The following SEMA6D variants were observed in gnomAD, a reference collection of about 807,000 sequenced individuals.
The protein encoded by SEMA6D is semaphorin 6D, also known as semaphorin-6D.
In SEMA6D, 35 loss-of-function variants were observed where a neutral mutation model predicts 106.6. That is an observed-to-expected ratio of 0.33 (90% CI 0.25 to 0.44). The LOEUF (loss-of-function observed/expected upper bound fraction) is 0.44, where lower values mean the gene tolerates loss of function less well. Ranked by LOEUF, SEMA6D falls within the 20% of genes least tolerant of loss-of-function variation. The pLI, the probability that SEMA6D is intolerant of heterozygous loss-of-function variation, is 1.00. For missense variants in SEMA6D, 1,185 were observed against 1,345.9 expected, an observed-to-expected ratio of 0.88 and a Z score of 1.87; for synonymous variants, 499 against 487.7, an observed-to-expected ratio of 1.02 and a Z score of -0.31.
chr15:47,694,908 G>A (rs2078667154), intron 4 of SEMA6D, among the ~76,000 whole-genome samples: 1 of 152,142 alleles, frequency 6.6e-6, no homozygotes, highest in African/African-American at 2.4e-5. Context: ...AGTTGGTAGT[G>A]ATATATGCTG....
chr15:47,461,143 C>G (rs1245661589), intron 2 of SEMA6D, among the ~76,000 whole-genome samples: 1 of 152,128 alleles, frequency 6.6e-6, no homozygotes, highest in African/African-American at 2.4e-5. Flanking sequence ...CTTCGCATCA[C>G]TGCCTTTATT....
intron 1 of SEMA6D, among the ~76,000 whole-genome samples, chr15:47,233,167 C>A (rs1016371641): frequency 1.3e-5 from 2 of 151,858 alleles, no homozygotes; most frequent in African/African-American, 4.8e-5. Context: ...ATGTGAATAT[C>A]CAGTTGTTCC....
intron 1 of SEMA6D, among the ~76,000 whole-genome samples, chr15:47,405,097 T>C (rs2040518510): frequency 6.6e-6 from 1 of 151,924 alleles, no homozygotes; most frequent in Non-Finnish European, 1.5e-5. Context: ...GCAGGGCATA[T>C]TGGAAGTGTT....
chr15:47,217,203 A>G (rs188426548), intron 1 of SEMA6D, among the ~76,000 whole-genome samples: 4 of 152,238 alleles, frequency 2.6e-5, no homozygotes, highest in Admixed American at 2.0e-4. Flanking sequence ...ATAGACTAAG[A>G]CAGAAGCCAT....
At chr15:47,506,722 G>A (rs999506243) in intron 3 of SEMA6D, among the ~76,000 whole-genome samples, 1 of 152,154 alleles carries the variant, frequency 6.6e-6, no homozygotes, top group Non-Finnish European at 1.5e-5. Context: ...GTTTAAGAGA[G>A]TGTCTATGTT....
At chr15:47,663,153 G>A (rs779614888) in intron 4 of SEMA6D, among the ~76,000 whole-genome samples, 4 of 152,180 alleles carry the variant, frequency 2.6e-5, no homozygotes, top group South Asian at 4.1e-4. Context: ...GTATGTTACA[G>A]TGCAGGTACT....
At chr15:47,621,031 C>T (rs925144439) in intron 4 of SEMA6D, among the ~76,000 whole-genome samples, 4 of 152,066 alleles carry the variant, frequency 2.6e-5, no homozygotes, top group African/African-American at 7.2e-5. Flanking sequence ...GCATACACAA[C>T]GGGCATATAG....
chr15:47,552,990 C>T (rs993047092), intron 3 of SEMA6D, among the ~76,000 whole-genome samples: 8 of 143,362 alleles, frequency 5.6e-5, no homozygotes, highest in Admixed American at 2.2e-4. Flanking sequence ...CTGCAACCTC[C>T]GCCTCATGGG....
chr15:47,325,161 T>G (rs1180624704), intron 1 of SEMA6D, among the ~76,000 whole-genome samples: 1 of 39,438 alleles, frequency 2.5e-5, no homozygotes, highest in African/African-American at 9.0e-4. Flanking sequence ...GGTGAAGCGT[T>G]TTTTTTTTGT....
At chr15:47,419,112 A>G (rs1443320209) in intron 2 of SEMA6D, among the ~76,000 whole-genome samples, 2 of 152,136 alleles carry the variant, frequency 1.3e-5, no homozygotes, top group African/African-American at 4.8e-5. Context: ...CAGAGAGTGA[A>G]TTTCAGGTCC....
chr15:47,530,617 G>C (rs1460865283), intron 3 of SEMA6D, among the ~76,000 whole-genome samples: 5 of 152,164 alleles, frequency 3.3e-5, no homozygotes, highest in Non-Finnish European at 7.3e-5. Context: ...TATACTGTGA[G>C]GAATAAAGGG....
chr15:47,217,650 C>G (rs1209014915), intron 1 of SEMA6D, among the ~76,000 whole-genome samples: 1 of 150,530 alleles, frequency 6.6e-6, no homozygotes. Context: ...AAAATACAGA[C>G]AAAATTATAG....
intron 1 of SEMA6D, among the ~76,000 whole-genome samples, chr15:47,206,202 C>A (rs902538860): frequency 6.6e-6 from 1 of 152,104 alleles, no homozygotes; most frequent in African/African-American, 2.4e-5. Context: ...ATATATAGTT[C>A]CTTTTACTTA....
chr15:47,469,228 A>G (rs1049556025), intron 2 of SEMA6D, among the ~76,000 whole-genome samples: 2 of 152,088 alleles, frequency 1.3e-5, no homozygotes, highest in African/African-American at 2.4e-5. Flanking sequence ...CTTAACAGGC[A>G]GTGCACCCCC....
intron 3 of SEMA6D, among the ~76,000 whole-genome samples, chr15:47,509,693 G>C (rs897435377): frequency 6.6e-6 from 1 of 152,146 alleles, no homozygotes; most frequent in Non-Finnish European, 1.5e-5. Context: ...ATAAAAAGAT[G>C]AAAATAGCTG....
chr15:47,617,045 G>A (rs774111286), intron 4 of SEMA6D, among the ~76,000 whole-genome samples: 8 of 152,172 alleles, frequency 5.3e-5, no homozygotes, highest in South Asian at 2.1e-4. Flanking sequence ...AGGCATGATC[G>A]TTAGCAGGAG....
chr15:47,195,501 A>AT (rs1400617825), intron 1 of SEMA6D, among the ~76,000 whole-genome samples: 4 of 152,150 alleles, frequency 2.6e-5, no homozygotes, highest in African/African-American at 9.7e-5. Flanking sequence ...TAATACAAAA[A>AT]TTTTCCAGGG....
At chr15:47,472,353 TATTAGA>T (rs1217667470) in intron 3 of SEMA6D, among the ~76,000 whole-genome samples, 4 of 152,196 alleles carry the variant, frequency 2.6e-5, no homozygotes, top group Non-Finnish European at 5.9e-5. Flanking sequence ...CTACTGGCAG[TATTAGA>T]ATTAGAACCA....
At chr15:47,671,838 T>C (rs2078143313) in intron 4 of SEMA6D, among the ~76,000 whole-genome samples, 1 of 152,132 alleles carries the variant, frequency 6.6e-6, no homozygotes, top group Admixed American at 6.5e-5. Flanking sequence ...AGAAATAATG[T>C]GAATGGCAGG....
Sources: allele counts gnomAD v4.1 joint callset (sites outside exome capture counted in the v4.1 genomes callset), GRCh38; gene constraint gnomAD v4.1.1; transcripts MANE v1.5; gene names NCBI Gene and HGNC (gene_info 2026-07-23, HGNC 2026-07-21).